The following PTBP3 variants were observed in gnomAD, a reference collection of about 807,000 sequenced individuals.
The protein encoded by PTBP3 is polypyrimidine tract-binding protein 3.
A neutral mutation model predicts 58.7 loss-of-function variants in PTBP3; 20 were observed. The ratio of observed to expected loss-of-function variants is 0.34; its 90% confidence interval spans 0.24 to 0.50. PTBP3 has a LOEUF of 0.50. Among genes scored for constraint, PTBP3 ranks in the 20% least tolerant of loss-of-function variants. The probability of loss-of-function intolerance (pLI) is 0.98; values close to 1 mark genes in which losing one functional copy is unlikely to be tolerated. For missense variants in PTBP3, 509 were observed against 637.2 expected (o/e 0.80, Z 2.17); for synonymous variants, 185 against 219.8 (o/e 0.84, Z 1.40).
intron 1 of PTBP3, among the ~76,000 whole-genome samples, chr9:112,308,034 C>A (rs757990049): frequency 1.3e-5 from 2 of 152,098 alleles, no homozygotes; most frequent in Non-Finnish European, 1.5e-5. Context: ...CCAGTATGGC[C>A]CAGGGAAGCC....
At chr9:112,352,271 A>G in the PTBP3 span, among the ~76,000 whole-genome samples, 3 of 152,140 alleles carry the variant, frequency 2.0e-5, no homozygotes, top group Admixed American at 2.0e-4. Context: ...AGGTACTAGG[A>G]GTTCTCATTG....
Position 112,228,394 on chromosome 9 carries a change from T to G in PTBP3, c.1133A>C (p.Asn378Thr). The change falls in exon 11 of 14, where the codon AAT becomes ACT. Residue 378 changes from asparagine (N) to threonine (T), a missense_variant. Physicochemically the swap from Asn to Thr is moderately conservative, Grantham distance 65. This residue lies in a region of PTBP3 where 135 missense variants were observed against 229.0 expected (regional missense o/e 0.59). Transcript: ENST00000374257. Reference protein sequence around the residue: ...ENALVQMADANQAQLAMNHLS... With the variant: ...ENALVQMADATQAQLAMNHLS... ...ATCATTAGTACCTAGCTGAGCTTGA[T>G]TTGCATCCGCCATCTGAACCAAGGC... 6.2e-7 allele frequency: 1 copy of G among 1,603,294 alleles called. No homozygotes were observed. The highest frequency in any genetic ancestry group is 1.1e-5 in the South Asian group (1 of 88,572).
rs1046798866 is a variant in PTBP3, at chr9:112,223,187, T to G, written c.*664A>C. On this transcript the variant is annotated 3_prime_UTR_variant, in exon 14 of 14. Coordinates refer to ENST00000374257, the MANE Select transcript of PTBP3 (RefSeq NM_001163788.4). ...CCCTGGGGACAGCTGAGACACTGCA[T>G]TTTTCCAAATAGTCTTAAAAAGTTA... 4.7e-5 allele frequency: 43 copies of G among 922,806 alleles called. No homozygotes were observed. Among genetic ancestry groups the G allele is most frequent in the Non-Finnish European group, 5.0e-5 (39 of 772,706 alleles). 57.2% of individuals were successfully genotyped at this position (922,806 alleles called of 1,614,324 possible). A position where few individuals can be genotyped will look rare whatever the true frequency, so the allele number is the denominator to read the frequency against.
rs962152031 is a variant in PTBP3 at position 112,221,828 on chromosome 9, T to C, written c.*2023A>G. ...TATCATCTCTTGCAGTCTCTATTTT[T>C]TGGTAAAATTTCTTCTGTAAAAACC... On this transcript the variant is annotated 3_prime_UTR_variant, in exon 14 of 14. Transcript: ENST00000374257. 2 of 984,934 alleles carry C rather than the reference T, an allele frequency of 2.0e-6. No homozygotes were observed. Among genetic ancestry groups the C allele is most frequent in the African/African-American group, 3.5e-5 (2 of 57,238 alleles). 61.0% of individuals were successfully genotyped at this position (984,934 alleles called of 1,614,324 possible).
intron 1 of PTBP3, among the ~76,000 whole-genome samples, chr9:112,305,201 T>A (rs1290991505): frequency 6.6e-6 from 1 of 152,198 alleles, no homozygotes; most frequent in East Asian, 1.9e-4. Flanking sequence ...AGGTGTGGCT[T>A]TTGCCCTTTC....
At chr9:112,257,940 CAAAAAAAAAAA>C (rs56934009) in intron 5 of PTBP3, among the ~76,000 whole-genome samples, 40 of 119,342 alleles carry the variant, frequency 3.4e-4, no homozygotes, top group Non-Finnish European at 3.6e-4. Context: ...GACTCCATCT[CAAAAAAAAAAA>C]AAAAAAAAAA....
At chr9:112,268,764 T>G (rs1267231832) in intron 3 of PTBP3, among the ~76,000 whole-genome samples, 1 of 151,862 alleles carries the variant, frequency 6.6e-6, no homozygotes, top group African/African-American at 2.4e-5. Context: ...ATTAAGGGAT[T>G]TTATGCAGTT....
intron 1 of PTBP3, among the ~76,000 whole-genome samples, chr9:112,312,865 G>A (rs1030884776): frequency 4.6e-5 from 7 of 151,782 alleles, no homozygotes; most frequent in African/African-American, 1.7e-4. Flanking sequence ...GCAACATGGC[G>A]AAACCCTGTT....
chr9:112,329,168 T>C (rs1830269211), intron 1 of PTBP3, among the ~76,000 whole-genome samples: 2 of 152,240 alleles, frequency 1.3e-5, no homozygotes. Flanking sequence ...CCTAGCACTT[T>C]GGGAGGCCAA....
chr9:112,362,972 T>C, the PTBP3 span: 1 of 252,912 alleles, frequency 4.0e-6, no homozygotes, highest in Non-Finnish European at 8.0e-6. Flanking sequence ...TTGGAAGGGC[T>C]GCTGACATGC....
chr9:112,373,363 G>A, the PTBP3 span, among the ~76,000 whole-genome samples: 3 of 152,132 alleles, frequency 2.0e-5, no homozygotes, highest in East Asian at 1.9e-4. Context: ...TAGGCTAGGA[G>A]GCTAGGCCAT....
intron 7 of PTBP3, among the ~76,000 whole-genome samples, chr9:112,240,441 G>C (rs139774908): frequency 6.6e-6 from 1 of 152,098 alleles, no homozygotes; most frequent in African/African-American, 2.4e-5. Flanking sequence ...TATAGCCATT[G>C]TAACACTGTA....
At chr9:112,379,856 G>T in the PTBP3 span, 2 of 522,004 alleles carry the variant, frequency 3.8e-6, no homozygotes, top group Non-Finnish European at 3.4e-6. Flanking sequence ...GCGCCGACAG[G>T]AGCCTGATTG....
chr9:112,348,153 T>C, the PTBP3 span, among the ~76,000 whole-genome samples: 9 of 152,338 alleles, frequency 5.9e-5, no homozygotes, highest in Admixed American at 5.9e-4. Context: ...TAGATGCTAG[T>C]ACTGTTAGAG....
the PTBP3 span, among the ~76,000 whole-genome samples, chr9:112,344,680 G>A: frequency 2.6e-5 from 4 of 152,090 alleles, no homozygotes; most frequent in Non-Finnish European, 5.9e-5. Flanking sequence ...CAGCTGATAT[G>A]ATTATCTATG....
At chr9:112,226,721 G>A (rs941823259) in intron 12 of PTBP3, among the ~76,000 whole-genome samples, 3 of 152,182 alleles carry the variant, frequency 2.0e-5, no homozygotes, top group Non-Finnish European at 4.4e-5. Flanking sequence ...ACACGTAAGT[G>A]AATGGGTACA....
chr9:112,310,989 A>G (rs554064531), intron 1 of PTBP3, among the ~76,000 whole-genome samples: 1 of 152,382 alleles, frequency 6.6e-6, no homozygotes, highest in African/African-American at 2.4e-5. Flanking sequence ...CTTAACGGCC[A>G]TTCTAAAGAA....
At chr9:112,284,343 G>C (rs1828010957) in intron 2 of PTBP3, among the ~76,000 whole-genome samples, 1 of 152,186 alleles carries the variant, frequency 6.6e-6, no homozygotes, top group Non-Finnish European at 1.5e-5. Context: ...CTCACTCTTT[G>C]CAAAAGCATG....
chr9:112,346,985 A>C, the PTBP3 span, among the ~76,000 whole-genome samples: 1 of 152,102 alleles, frequency 6.6e-6, no homozygotes, highest in Non-Finnish European at 1.5e-5. Context: ...CACCCTTCCA[A>C]AGTGCTGGGA....
Sources: gnomAD v4.1 joint callset for allele counts (sites outside exome capture counted in the v4.1 genomes callset) on GRCh38, gnomAD v4.1.1 for gene constraint, gnomAD v4.1.1 regional missense constraint, MANE v1.5 for transcripts, NCBI Gene and HGNC (gene_info 2026-07-23, HGNC 2026-07-21) for gene names.